The following DNM3 variants were observed in gnomAD, a reference collection of about 807,000 sequenced individuals.
DNM3 encodes dynamin-3.
Under a neutral mutation model 101.6 loss-of-function variants are expected in DNM3, and 47 were observed. The ratio of observed to expected loss-of-function variants is 0.46; its 90% CI spans 0.37 to 0.59. The LOEUF (loss-of-function observed/expected upper bound fraction) is 0.59, where lower values mean the gene tolerates loss of function less well. DNM3 is among the 20% of genes least tolerant of loss of function. DNM3 has a pLI of 0.00. For missense variants in DNM3, 849 were observed against 1,085.7 expected, an observed-to-expected ratio of 0.78 and a Z score of 3.06; for synonymous variants, 385 against 387.9, an observed-to-expected ratio of 0.99 and a Z score of 0.09.
intron 2 of DNM3, among the ~76,000 whole-genome samples, chr1:171,970,903 C>G (rs1012767333): frequency 6.6e-6 from 1 of 152,012 alleles, no homozygotes; most frequent in Non-Finnish European, 1.5e-5. Context: ...CTTTCCCTAA[C>G]AGGTTATAAC....
At chr1:171,944,349 A>G (rs1300651879) in intron 2 of DNM3, among the ~76,000 whole-genome samples, 2 of 104,886 alleles carry the variant, frequency 1.9e-5, no homozygotes, top group Non-Finnish European at 4.7e-5. Context: ...GTATTTATTT[A>G]TTTATTTATT....
At chr1:171,942,453 A>G (rs12747663) in intron 2 of DNM3, among the ~76,000 whole-genome samples, 40,857 of 151,972 alleles carry the variant, frequency 0.27, 6,019 homozygotes, top group Admixed American at 0.36. Context: ...TCAAAGGAAT[A>G]AAAGAACGTA....
At chr1:172,163,988 T>C (rs114144199) in intron 14 of DNM3, among the ~76,000 whole-genome samples, 4,762 of 149,010 alleles carry the variant, frequency 0.032, 108 homozygotes, top group Non-Finnish European at 0.045. Flanking sequence ...CACACACACA[T>C]CTCACATTTT....
At chr1:172,063,113 CA>C (rs1224334914) in intron 10 of DNM3, among the ~76,000 whole-genome samples, 4 of 152,130 alleles carry the variant, frequency 2.6e-5, no homozygotes, top group Non-Finnish European at 4.4e-5. Context: ...TTAGGTCAGC[CA>C]AATCAATCAA....
intron 1 of DNM3, among the ~76,000 whole-genome samples, chr1:171,878,120 T>C (rs2125113282): frequency 8.2e-6 from 1 of 121,218 alleles, no homozygotes; most frequent in East Asian, 2.2e-4. Context: ...ACACATGAAA[T>C]AATTTAAGAA....
At chr1:172,347,819 A>C (rs997637247) in intron 17 of DNM3, among the ~76,000 whole-genome samples, 6 of 152,194 alleles carry the variant, frequency 3.9e-5, no homozygotes, top group Non-Finnish European at 8.8e-5. Flanking sequence ...GAAATAATCT[A>C]AATGGCCATT....
At chr1:171,882,215 T>C (rs2036325192) in intron 1 of DNM3, among the ~76,000 whole-genome samples, 2 of 151,810 alleles carry the variant, frequency 1.3e-5, no homozygotes, top group African/African-American at 4.8e-5. Flanking sequence ...TGGTGGTGCA[T>C]GCCTGTAATC....
In DNM3 at chr1:172,106,370, G is replaced by A. The variant is rs944441307; in HGVS notation, c.1545+13495G>A. ...CAGAAGAAGGAAGTTGCTGTGAGCC[G>A]ACATCGTGCCACTGTACTCCAGCCT... On this transcript the variant is annotated intron_variant, in intron 13 of 20. Transcript: ENST00000627582. Among the ~76,000 whole-genome samples the A allele has an allele frequency of 7.2e-5, 11 of 152,060 alleles. No homozygotes were observed. The East Asian group carries it at 1.5e-3, about 21-fold the overall frequency.
At chr1:172,005,740 T>C (rs1167225594) in intron 4 of DNM3, among the ~76,000 whole-genome samples, 3 of 152,130 alleles carry the variant, frequency 2.0e-5, no homozygotes, top group African/African-American at 7.2e-5. Flanking sequence ...GAGGTCTGTA[T>C]AATGAAAATC....
intron 17 of DNM3, among the ~76,000 whole-genome samples, chr1:172,365,446 G>A (rs1268851063): frequency 2.0e-5 from 3 of 151,904 alleles, no homozygotes; most frequent in African/African-American, 7.2e-5. Flanking sequence ...GTCAGTCATT[G>A]ATGTTAAGAA....
intron 1 of DNM3, among the ~76,000 whole-genome samples, chr1:171,848,490 C>T (rs1457236955): frequency 1.3e-5 from 2 of 152,050 alleles, no homozygotes; most frequent in African/African-American, 4.8e-5. Context: ...ATTTATCCAC[C>T]AGGTGGGCAT....
intron 17 of DNM3, among the ~76,000 whole-genome samples, chr1:172,352,607 G>A (rs1558033013): frequency 6.6e-6 from 1 of 152,152 alleles, no homozygotes; most frequent in Admixed American, 6.5e-5. Context: ...CAACAAGGGT[G>A]TGTCTTTCAA....
At chr1:172,302,963 C>T (rs1433223968) in intron 15 of DNM3, among the ~76,000 whole-genome samples, 2 of 152,142 alleles carry the variant, frequency 1.3e-5, no homozygotes, top group African/African-American at 4.8e-5. Flanking sequence ...AAAACCAGAG[C>T]ACTTTTTCTC....
chr1:172,142,900 T>C (rs1441147966), intron 14 of DNM3, among the ~76,000 whole-genome samples: 1 of 151,944 alleles, frequency 6.6e-6, no homozygotes, highest in Non-Finnish European at 1.5e-5. Flanking sequence ...AAAGAAACTA[T>C]ATAGATTTTT....
At chr1:171,951,473 G>T (rs1161112247) in intron 2 of DNM3, among the ~76,000 whole-genome samples, 1 of 151,980 alleles carries the variant, frequency 6.6e-6, no homozygotes, top group Non-Finnish European at 1.5e-5. Flanking sequence ...GCTTATGTTT[G>T]GCAAAACCAT....
At chr1:172,244,778 A>G (rs2061887265) in intron 14 of DNM3, among the ~76,000 whole-genome samples, 1 of 152,192 alleles carries the variant, frequency 6.6e-6, no homozygotes, top group Non-Finnish European at 1.5e-5. Flanking sequence ...TAGTTCAGCC[A>G]TTGTGGAAGT....
intron 11 of DNM3, 50 bp downstream of exon 11, chr1:172,068,955 G>A: frequency 2.6e-6 from 4 of 1,509,846 alleles, no homozygotes; most frequent in Non-Finnish European, 3.6e-6. Flanking sequence ...GAGGTCGAAG[G>A]TCTCTGCAAG....
intron 15 of DNM3, among the ~76,000 whole-genome samples, chr1:172,299,427 T>C (rs1375226661): frequency 1.3e-5 from 2 of 152,226 alleles, no homozygotes; most frequent in African/African-American, 4.8e-5. Flanking sequence ...ATGTGCAGGT[T>C]TGTTACATGG....
intron 15 of DNM3, among the ~76,000 whole-genome samples, chr1:172,292,631 G>A (rs2063976226): frequency 7.5e-6 from 1 of 133,572 alleles, no homozygotes; most frequent in African/African-American, 2.6e-5. Context: ...ACACGCGCGT[G>A]CGTATATTCC....
Sources: allele counts gnomAD v4.1 joint callset (sites outside exome capture counted in the v4.1 genomes callset), GRCh38; gene constraint gnomAD v4.1.1; transcripts MANE v1.5; gene names NCBI Gene and HGNC (gene_info 2026-07-23, HGNC 2026-07-21).